The following IL1RAPL1 variants were observed in gnomAD, a reference collection of about 807,000 sequenced individuals.
IL1RAPL1 encodes interleukin 1 receptor accessory protein like 1, also known as interleukin-1 receptor accessory protein-like 1.
IL1RAPL1 carries 3 observed loss-of-function variants against 48.4 expected under a neutral mutation model. The ratio of observed to expected loss-of-function variants is 0.06; its 90% CI spans 0.03 to 0.16. The LOEUF (loss-of-function observed/expected upper bound fraction) is 0.16. IL1RAPL1 is among the 10% of genes least tolerant of loss of function. The pLI, the probability that IL1RAPL1 is intolerant of heterozygous loss-of-function variation, is 1.00. For missense variants in IL1RAPL1, 349 were observed against 530.6 expected (o/e 0.66, Z 3.36); for synonymous variants, 185 against 187.7 (o/e 0.99, Z 0.12).
At chrX:29,056,102 A>AT (rs1471962392) in intron 2 of IL1RAPL1, among the ~76,000 whole-genome samples, 9 of 111,806 alleles carry the variant, frequency 8.0e-5, no homozygotes, top group Middle Eastern at 4.7e-3. Context: ...ACTATTTGTT[A>AT]TTTTTTTGCT....
intron 6 of IL1RAPL1, among the ~76,000 whole-genome samples, chrX:29,697,719 T>C (rs1216249314): frequency 8.9e-6 from 1 of 112,373 alleles, no homozygotes; most frequent in Non-Finnish European, 1.9e-5. Context: ...TTACATCTAA[T>C]GAATCACCAA....
intron 5 of IL1RAPL1, among the ~76,000 whole-genome samples, chrX:29,414,614 A>C (rs1160426286): frequency 9.0e-6 from 1 of 111,367 alleles, no homozygotes; most frequent in South Asian, 3.8e-4. Context: ...CCTGCTACTC[A>C]GGAGGCTGAG....
chrX:28,722,988 G>A (rs1038059417), intron 1 of IL1RAPL1, among the ~76,000 whole-genome samples: 7 of 111,367 alleles, frequency 6.3e-5, no homozygotes, highest in Non-Finnish European at 1.3e-4. Context: ...TGCTGGATTC[G>A]GTTTGCCAGT....
chrX:29,727,272 G>A (rs1457975977), intron 6 of IL1RAPL1, among the ~76,000 whole-genome samples: 1 of 111,747 alleles, frequency 8.9e-6, no homozygotes, highest in African/African-American at 3.3e-5. Context: ...ACTTTCCATC[G>A]GGGGAAATGT....
chrX:29,034,726 C>T (rs1489121696), intron 2 of IL1RAPL1, among the ~76,000 whole-genome samples: 2 of 111,786 alleles, frequency 1.8e-5, no homozygotes, highest in Non-Finnish European at 3.8e-5. Context: ...GGAAACTTTC[C>T]AAGTGTTTAT....
intron 8 of IL1RAPL1, among the ~76,000 whole-genome samples, chrX:29,925,184 CTCTT>C (rs1194066969): frequency 9.0e-6 from 1 of 110,770 alleles, no homozygotes. Flanking sequence ...CCTCCTACCT[CTCTT>C]TATGGCAGCA....
At position 28,703,075 on chromosome X, in the gene IL1RAPL1, T is replaced by C. The variant is rs903767301; in HGVS notation, c.-24-86245T>C. 2.7e-5 allele frequency among the ~76,000 whole-genome samples: 3 copies of C among 111,645 alleles called. No individual in the cohort carries two copies. The East Asian group carries it at 8.4e-4, about 31-fold the overall frequency. The stretch of plus-strand genomic sequence containing the variant: ...CCCTTGCATCAGACAAGCTAAACTT[T>C]GGATACTTGTACACAACTAGTTTCA... On this transcript the variant is annotated intron_variant, in intron 1 of 10. Transcript: ENST00000378993.
intron 2 of IL1RAPL1, among the ~76,000 whole-genome samples, chrX:28,943,820 C>G (rs1216507612): frequency 9.0e-6 from 1 of 110,803 alleles, no homozygotes; most frequent in Non-Finnish European, 1.9e-5. Flanking sequence ...CTTCCCAATT[C>G]CCTTTAGTGT....
intron 3 of IL1RAPL1, among the ~76,000 whole-genome samples, chrX:29,289,825 A>G (rs1026532349): frequency 1.8e-5 from 2 of 112,608 alleles, no homozygotes; most frequent in Non-Finnish European, 3.8e-5. Context: ...GAATGTTTGT[A>G]AATGATATCT....
At chrX:28,870,703 T>G (rs1198500268) in intron 2 of IL1RAPL1, among the ~76,000 whole-genome samples, 1 of 111,370 alleles carries the variant, frequency 9.0e-6, no homozygotes, top group Non-Finnish European at 1.9e-5. Flanking sequence ...TGCTTGCCAG[T>G]GGGATGCATC....
intron 3 of IL1RAPL1, among the ~76,000 whole-genome samples, chrX:29,333,353 C>T (rs1932912059): frequency 9.4e-6 from 1 of 106,698 alleles, no homozygotes; most frequent in Non-Finnish European, 2.0e-5. Flanking sequence ...GTAGGGGCGG[C>T]CGGGCAGAGG....
At chrX:29,539,476 C>T (rs1301977521) in intron 5 of IL1RAPL1, among the ~76,000 whole-genome samples, 1 of 110,784 alleles carries the variant, frequency 9.0e-6, no homozygotes, top group East Asian at 2.8e-4. Context: ...ACAAGGATGC[C>T]CCCTCTCACT....
At chrX:29,090,155 T>C (rs981242051) in intron 2 of IL1RAPL1, among the ~76,000 whole-genome samples, 1 of 110,889 alleles carries the variant, frequency 9.0e-6, no homozygotes, top group African/African-American at 3.3e-5. Context: ...GTCAGCTTTT[T>C]CACTGTGCAA....
At chrX:29,536,945 A>G (rs1411758311) in intron 5 of IL1RAPL1, among the ~76,000 whole-genome samples, 2 of 110,559 alleles carry the variant, frequency 1.8e-5, no homozygotes, top group East Asian at 5.6e-4. Flanking sequence ...TATATAAACA[A>G]TGGCTTATAT....
chrX:29,561,331 C>G (rs931933690), intron 5 of IL1RAPL1, among the ~76,000 whole-genome samples: 1 of 112,256 alleles, frequency 8.9e-6, no homozygotes, highest in Non-Finnish European at 1.9e-5. Context: ...CTTGGAGACA[C>G]ATACGAGAAA....
chrX:29,168,859 GTATATTCATATGTACAATTGTATATA>G (rs869198696), intron 2 of IL1RAPL1, among the ~76,000 whole-genome samples: 2,532 of 77,717 alleles, frequency 0.033, 29 homozygotes, highest in Non-Finnish European at 0.046. Flanking sequence ...AATTGTATAT[GTATATTCATATGTACAATTGTATATA>G]TATATTCATA....
intron 6 of IL1RAPL1, among the ~76,000 whole-genome samples, chrX:29,672,039 G>A (rs755279712): frequency 6.3e-5 from 7 of 111,523 alleles, no homozygotes; most frequent in East Asian, 2.8e-4. Flanking sequence ...CATTATAAAC[G>A]CATTCTGCTC....
At chrX:29,218,802 C>A (rs777052916) in intron 2 of IL1RAPL1, among the ~76,000 whole-genome samples, 105 of 112,110 alleles carry the variant, frequency 9.4e-4, no homozygotes, top group African/African-American at 3.3e-3. Context: ...TGGCATCAGA[C>A]TATAAAATTA....
At chrX:28,898,351 A>G (rs1922986699) in intron 2 of IL1RAPL1, among the ~76,000 whole-genome samples, 1 of 112,180 alleles carries the variant, frequency 8.9e-6, no homozygotes, top group Non-Finnish European at 1.9e-5. Context: ...TAAGATCACA[A>G]AAATTTCTCC....
Sources: gnomAD v4.1 joint callset for allele counts (sites outside exome capture counted in the v4.1 genomes callset) on GRCh38, gnomAD v4.1.1 for gene constraint, MANE v1.5 for transcripts, NCBI Gene and HGNC (gene_info 2026-07-23, HGNC 2026-07-21) for gene names.